The following NF1 variants were observed in gnomAD, a reference collection of about 807,000 sequenced individuals.
NF1 encodes neurofibromin 1.
NF1 carries 122 observed loss-of-function variants against 325.7 expected under a neutral mutation model. That is an observed-to-expected ratio of 0.37 (90% CI 0.32 to 0.44). The LOEUF is 0.44. Ranked by LOEUF, NF1 falls within the 20% of genes least tolerant of loss-of-function variation. NF1 has a pLI of 1.00. For missense variants in NF1, 2,140 were observed against 3,415.4 expected, an observed-to-expected ratio of 0.63 and a Z score of 9.31; for synonymous variants, 1,091 against 1,186.0, an observed-to-expected ratio of 0.92 and a Z score of 1.65.
At chr17:31,313,722 ATGTG>A (rs60267436) in intron 36 of NF1, among the ~76,000 whole-genome samples, 13,693 of 138,918 alleles carry the variant, frequency 0.099, 1,774 homozygotes, top group African/African-American at 0.31. Flanking sequence ...AAAAAAAAAT[ATGTG>A]TGTGTGTGTG....
chr17:31,328,229 A>G (rs906131900), intron 38 of NF1, among the ~76,000 whole-genome samples: 18 of 152,228 alleles, frequency 1.2e-4, no homozygotes, highest in Non-Finnish European at 2.4e-4. Flanking sequence ...ATGTTCAATA[A>G]CTTGGTAACA....
chr17:31,277,059 A>G (rs2068023074), intron 36 of NF1, among the ~76,000 whole-genome samples: 1 of 152,240 alleles, frequency 6.6e-6, no homozygotes. Context: ...ATTGTTACCC[A>G]GAAAATCATG....
chr17:31,252,980 A>G lies in NF1; in HGVS notation c.4153A>G (p.Lys1385Glu), dbSNP rs1259436033. 2 of 1,613,390 alleles carry G rather than the reference A, an allele frequency of 1.2e-6. No homozygotes were observed. The highest frequency in any genetic ancestry group is 1.7e-6 in the Non-Finnish European group (2 of 1,179,730). ...SLLNKATVKE[K>E]KENKKSVVSQ... is the part of the protein sequence containing the mutation. ...ACTGAATAAAGCTACAGTAAAAGAA[A>G]AAAAGGAAAACAAAAAATCAGTAAG... is the stretch of plus-strand genomic sequence containing the variant. Residue 1385 changes from lysine to glutamate, a missense_variant, in exon 31 of 58, where the codon AAA becomes GAA. This residue lies in a region of NF1 where 336 missense variants were observed against 399.0 expected (regional missense o/e 0.84). Transcript: ENST00000358273.
At chr17:31,196,137 T>C (rs1335074635) in intron 8 of NF1, among the ~76,000 whole-genome samples, 1 of 152,078 alleles carries the variant, frequency 6.6e-6, no homozygotes, top group Non-Finnish European at 1.5e-5. Context: ...TATATTTCCA[T>C]ATTCTCATAT....
intron 47 of NF1, 133 bp downstream of exon 47, chr17:31,340,778 G>C: frequency 1.1e-6 from 1 of 886,554 alleles, no homozygotes; most frequent in Middle Eastern, 3.5e-4. Flanking sequence ...AACTTATTGT[G>C]AGTATATTTC....
intron 19 of NF1, 27 bp from the exon 20 acceptor site, chr17:31,227,496 T>A (rs2151427361): frequency 1.2e-6 from 2 of 1,612,356 alleles, no homozygotes; most frequent in Non-Finnish European, 1.7e-6. Context: ...CTAAGTTGCT[T>A]TCAAGTGATA....
chr17:31,331,427 C>T (rs1284873821), intron 39 of NF1: 1 of 152,000 alleles, frequency 6.6e-6, no homozygotes, highest in Non-Finnish European at 1.5e-5. Context: ...GGAGATAGAA[C>T]TTAAATGATT....
chr17:31,176,547 A>T (rs1021412641), intron 5 of NF1, among the ~76,000 whole-genome samples: 2 of 152,102 alleles, frequency 1.3e-5, no homozygotes, highest in Non-Finnish European at 2.9e-5. Context: ...ATTTGTTGTC[A>T]TTGCTTTTGG....
At chr17:31,251,293 G>T (rs2067489764) in intron 30 of NF1, 1 of 208,682 alleles carries the variant, frequency 4.8e-6, no homozygotes, top group Non-Finnish European at 9.8e-6. Context: ...CTGGGGAAAT[G>T]TTGAAAGGGA....
chr17:31,205,878 C>T (rs904540141), intron 11 of NF1, among the ~76,000 whole-genome samples: 4 of 151,116 alleles, frequency 2.6e-5, no homozygotes, highest in Non-Finnish European at 5.9e-5. Flanking sequence ...TGCACGTGTG[C>T]CAGAAATTGT....
chr17:31,212,029 A>C (rs1239644863), intron 12 of NF1, among the ~76,000 whole-genome samples: 1 of 152,156 alleles, frequency 6.6e-6, no homozygotes, highest in Non-Finnish European at 1.5e-5. Context: ...TAAACTTTTA[A>C]ATTTTTTAAT....
chr17:31,111,823 C>T (rs1913442145), intron 1 of NF1, among the ~76,000 whole-genome samples: 2 of 152,164 alleles, frequency 1.3e-5, no homozygotes, highest in Admixed American at 1.3e-4. Context: ...GAAGAGCACA[C>T]ACTCGGGTAA....
intron 57 of NF1, chr17:31,367,347 A>C: frequency 8.5e-6 from 9 of 1,062,542 alleles, no homozygotes; most frequent in Non-Finnish European, 1.2e-5. Context: ...GGCACATAGC[A>C]TGAGACTTTA....
intron 36 of NF1, among the ~76,000 whole-genome samples, chr17:31,282,824 T>C (rs2068147289): frequency 1.3e-5 from 2 of 152,230 alleles, no homozygotes; most frequent in Non-Finnish European, 2.9e-5. Flanking sequence ...TGTTTAACTT[T>C]AGAGGAACTG....
chr17:31,304,840 A>AT (rs768559176), intron 36 of NF1: 1 of 1,613,972 alleles, frequency 6.2e-7, no homozygotes, highest in South Asian at 1.1e-5. Context: ...ATTTTCTCTG[A>AT]TGTTATCCAT....
At chr17:31,323,670 A>G (rs1361463321) in intron 36 of NF1, among the ~76,000 whole-genome samples, 1 of 152,170 alleles carries the variant, frequency 6.6e-6, no homozygotes, top group East Asian at 1.9e-4. Context: ...CATTCTGGCT[A>G]GACTAGCTGT....
chr17:31,301,542 A>C (rs2068574167), intron 36 of NF1, among the ~76,000 whole-genome samples: 2 of 152,188 alleles, frequency 1.3e-5, no homozygotes, highest in African/African-American at 4.8e-5. Context: ...AGTAAGAACA[A>C]CAGTTAAAGA....
intron 1 of NF1, among the ~76,000 whole-genome samples, chr17:31,138,908 C>T (rs1164169824): frequency 1.3e-5 from 2 of 151,988 alleles, no homozygotes; most frequent in African/African-American, 4.8e-5. Flanking sequence ...TAATAATTTA[C>T]CGTATTTTGA....
intron 3 of NF1, among the ~76,000 whole-genome samples, chr17:31,162,055 AAAG>A (rs1194209569): frequency 1.3e-5 from 2 of 151,088 alleles, no homozygotes; most frequent in South Asian, 2.1e-4. Flanking sequence ...AAAAAAAAAA[AAAG>A]AACGAAAATA....
Sources: gnomAD v4.1 joint callset for allele counts (sites outside exome capture counted in the v4.1 genomes callset) on GRCh38, gnomAD v4.1.1 for gene constraint, gnomAD v4.1.1 regional missense constraint, MANE v1.5 for transcripts, NCBI Gene and HGNC (gene_info 2026-07-23, HGNC 2026-07-21) for gene names.